Variants in PCBP3 observed in about 807,000 individuals in gnomAD.
PCBP3 encodes poly(rC)-binding protein 3.
Under a neutral mutation model 52.7 loss-of-function variants are expected in PCBP3, and 25 were observed. The ratio of observed to expected loss-of-function variants is 0.47; its 90% CI spans 0.35 to 0.66. The LOEUF (loss-of-function observed/expected upper bound fraction) is 0.66, where lower values mean the gene tolerates loss of function less well. Ranked by LOEUF, PCBP3 falls within the 30% of genes least tolerant of loss-of-function variation. The probability of loss-of-function intolerance (pLI) is 0.01; values close to 1 mark genes in which losing one functional copy is unlikely to be tolerated. For synonymous variants in PCBP3, 162 were observed against 183.0 expected (o/e 0.89, Z 0.93); for missense variants, 391 against 490.3 (o/e 0.80, Z 1.91).
chr21:45,894,756 T>C (rs562387432), intron 5 of PCBP3, among the ~76,000 whole-genome samples: 15 of 152,340 alleles, frequency 9.8e-5, no homozygotes, highest in East Asian at 7.7e-4. Context: ...AAAAGGCACA[T>C]GTGGCTGTCC....
intron 2 of PCBP3, among the ~76,000 whole-genome samples, chr21:45,670,779 C>T (rs2081120029): frequency 6.6e-6 from 1 of 152,142 alleles, no homozygotes; most frequent in Admixed American, 6.5e-5. Context: ...ACTTTCAATC[C>T]CACAAATTTC....
intron 5 of PCBP3, among the ~76,000 whole-genome samples, chr21:45,885,931 C>A (rs1405741921): frequency 1.3e-5 from 2 of 152,218 alleles, no homozygotes; most frequent in Non-Finnish European, 2.9e-5. Context: ...AGGTGATTTT[C>A]TTTTTGAAAT....
At chr21:45,807,759 CA>C (rs375605912) in intron 4 of PCBP3, among the ~76,000 whole-genome samples, 4,052 of 146,892 alleles carry the variant, frequency 0.028, 195 homozygotes, top group African/African-American at 0.095. Context: ...AAAAACAAAA[CA>C]AAAAAAAAAC....
chr21:45,710,604 C>A (rs145742309), intron 2 of PCBP3, among the ~76,000 whole-genome samples: 1 of 152,120 alleles, frequency 6.6e-6, no homozygotes, highest in Non-Finnish European at 1.5e-5. Flanking sequence ...ATGTTTATTG[C>A]GGCACTATTC....
At chr21:45,725,876 G>A (rs1752953439) in intron 2 of PCBP3, among the ~76,000 whole-genome samples, 1 of 152,012 alleles carries the variant, frequency 6.6e-6, no homozygotes, top group Non-Finnish European at 1.5e-5. Flanking sequence ...GGAAGGGGTG[G>A]GGGGCAGCTG....
chr21:45,722,316 G>A (rs1179506621), intron 2 of PCBP3, among the ~76,000 whole-genome samples: 1 of 152,184 alleles, frequency 6.6e-6, no homozygotes, highest in African/African-American at 2.4e-5. Flanking sequence ...GTGTGTAGAA[G>A]TACAACCAAA....
chr21:45,679,658 T>C (rs560463542), intron 2 of PCBP3, among the ~76,000 whole-genome samples: 15 of 152,336 alleles, frequency 9.8e-5, no homozygotes, highest in South Asian at 6.2e-4. Context: ...TTTGCAAATA[T>C]GTCTCCCATC....
At chr21:45,713,001 A>G (rs1294495803) in intron 2 of PCBP3, among the ~76,000 whole-genome samples, 3 of 152,120 alleles carry the variant, frequency 2.0e-5, no homozygotes, top group African/African-American at 7.2e-5. Flanking sequence ...TTGGGATTAC[A>G]GGTGTGAGCC....
chr21:45,891,705 A>G (rs187527764), intron 5 of PCBP3, among the ~76,000 whole-genome samples: 32 of 152,310 alleles, frequency 2.1e-4, no homozygotes, highest in African/African-American at 7.7e-4. Flanking sequence ...GCAGCCTATT[A>G]ACCATCAATG....
chr21:45,803,863 C>T (rs2092398941), intron 4 of PCBP3, among the ~76,000 whole-genome samples: 1 of 152,218 alleles, frequency 6.6e-6, no homozygotes, highest in Non-Finnish European at 1.5e-5. Flanking sequence ...CCGGATGGCC[C>T]AGGTCCTGCT....
At chr21:45,683,742 C>T (rs1001123400) in intron 2 of PCBP3, among the ~76,000 whole-genome samples, 1 of 151,818 alleles carries the variant, frequency 6.6e-6, no homozygotes, top group East Asian at 1.9e-4. Flanking sequence ...CTGGCTAACA[C>T]GATGAAACCC....
intron 1 of PCBP3, among the ~76,000 whole-genome samples, chr21:45,655,947 C>A (rs958530547): frequency 6.6e-6 from 1 of 152,164 alleles, no homozygotes; most frequent in Non-Finnish European, 1.5e-5. Flanking sequence ...AATGAGATAC[C>A]GTCTCACACC....
chr21:45,805,124 G>A lies in PCBP3; in HGVS notation c.-125-44837G>A, dbSNP rs550696586. On this transcript the variant is annotated intron_variant, in intron 4 of 17. Coordinates refer to ENST00000681687, the MANE Select transcript of PCBP3 (RefSeq NM_001384156.1). This position sits in a 1 kb window ranked among gnomAD's most constrained non-coding sequence, Gnocchi z 4.6. ...GAAGGCCTGTGCCACTCTGGGCATC[G>A]TCATCTTGGGCCATGGCTACCACAT... Among the ~76,000 whole-genome samples the A allele has an allele frequency of 2.5e-4, 38 of 152,306 alleles. No homozygotes were observed. Among genetic ancestry groups the A allele is most frequent in the African/African-American group, 7.9e-4 (33 of 41,572 alleles).
chr21:45,749,464 C>A (rs1412188553), intron 3 of PCBP3: 1 of 152,108 alleles, frequency 6.6e-6, no homozygotes, highest in African/African-American at 2.4e-5. Context: ...GGTCCTGAGT[C>A]ACTTTGAGAA....
At chr21:45,784,407 CCG>C (rs1367425373) in intron 4 of PCBP3, among the ~76,000 whole-genome samples, 2,543 of 135,134 alleles carry the variant, frequency 0.019, 36 homozygotes, top group Middle Eastern at 0.036. Context: ...GCTACCTCTA[CCG>C]CTACCGCTAC....
intron 4 of PCBP3, among the ~76,000 whole-genome samples, chr21:45,793,380 G>T (rs1438550862): frequency 6.6e-6 from 1 of 152,040 alleles, no homozygotes; most frequent in African/African-American, 2.4e-5. Flanking sequence ...AGCGAGTCCA[G>T]GACTCGCTGA....
chr21:45,838,214 G>C (rs1328979962), intron 4 of PCBP3, among the ~76,000 whole-genome samples: 1 of 152,192 alleles, frequency 6.6e-6, no homozygotes, highest in Non-Finnish European at 1.5e-5. Flanking sequence ...AGTTTGGCCA[G>C]TGCAGCTGCC....
At chr21:45,833,114 C>T (rs2147800910) in intron 4 of PCBP3, among the ~76,000 whole-genome samples, 1 of 152,322 alleles carries the variant, frequency 6.6e-6, no homozygotes, top group South Asian at 2.1e-4. Context: ...GCTGTGGGCA[C>T]ACCCAAGGGA....
intron 4 of PCBP3, among the ~76,000 whole-genome samples, chr21:45,843,413 T>C (rs1373484669): frequency 6.6e-6 from 1 of 152,268 alleles, no homozygotes; most frequent in Non-Finnish European, 1.5e-5. Flanking sequence ...TTGCTTAACT[T>C]CTGAACTTTT....
Sources: allele counts gnomAD v4.1 joint callset (sites outside exome capture counted in the v4.1 genomes callset), GRCh38; gene constraint gnomAD v4.1.1; non-coding constraint Gnocchi (gnomAD v3.1); transcripts MANE v1.5; gene names NCBI Gene and HGNC (gene_info 2026-07-23, HGNC 2026-07-21).